DPP6: variants seen among roughly 807,000 people sequenced by gnomAD.
DPP6 encodes the protein dipeptidyl peptidase like 6.
In DPP6, 69 loss-of-function variants were observed where a neutral mutation model predicts 122.6. The ratio of observed to expected loss-of-function variants is 0.56; its 90% CI spans 0.46 to 0.69. The LOEUF (loss-of-function observed/expected upper bound fraction) is 0.69. Ranked by LOEUF, DPP6 falls within the 30% of genes least tolerant of loss-of-function variation. The pLI, the probability that DPP6 is intolerant of heterozygous loss-of-function variation, is 0.00. For synonymous variants in DPP6, 418 were observed against 433.1 expected (o/e 0.97, Z 0.43); for missense variants, 928 against 1,116.9 (o/e 0.83, Z 2.41).
At chr7:154,816,727 C>T (rs893514245) in intron 16 of DPP6, among the ~76,000 whole-genome samples, 6 of 152,214 alleles carry the variant, frequency 3.9e-5, no homozygotes, top group South Asian at 2.1e-4. Context: ...GGGTGGCTGA[C>T]GTGCATGAAG....
chr7:154,891,661 C>T (rs756081152), intron 25 of DPP6, among the ~76,000 whole-genome samples: 4 of 152,136 alleles, frequency 2.6e-5, no homozygotes, highest in Non-Finnish European at 4.4e-5. Context: ...TCTCGGCTCA[C>T]AGCAACCTCC....
intron 1 of DPP6, chr7:154,305,262 A>T (rs1254710297): frequency 7.7e-7 from 1 of 1,296,352 alleles, no homozygotes; most frequent in Non-Finnish European, 9.8e-7. Context: ...GAGAAGCCCC[A>T]CTAAGCAGCG....
the DPP6 span, among the ~76,000 whole-genome samples, chr7:153,766,152 G>A: frequency 2.6e-5 from 4 of 152,272 alleles, no homozygotes; most frequent in Non-Finnish European, 5.9e-5. Flanking sequence ...TCGTGAAAAC[G>A]GTCTTAGTGG....
chr7:154,589,818 C>T (rs1013630842), intron 5 of DPP6, among the ~76,000 whole-genome samples: 1 of 152,192 alleles, frequency 6.6e-6, no homozygotes, highest in South Asian at 2.1e-4. Context: ...CAGATCATGC[C>T]TCTGGACTCC....
intron 1 of DPP6, among the ~76,000 whole-genome samples, chr7:154,291,350 TTGTGA>T (rs1805199425): frequency 6.6e-6 from 1 of 152,176 alleles, no homozygotes; most frequent in African/African-American, 2.4e-5. Context: ...TGAATAAAAC[TTGTGA>T]TGGTAAGGAC....
intron 2 of DPP6, among the ~76,000 whole-genome samples, chr7:154,466,967 A>G (rs991001598): frequency 7.2e-5 from 11 of 152,208 alleles, no homozygotes; most frequent in African/African-American, 4.8e-5. Context: ...GGCATACTCC[A>G]CCCAAAGCAC....
chr7:154,182,558 C>T (rs1317241437), intron 1 of DPP6, among the ~76,000 whole-genome samples: 1 of 152,096 alleles, frequency 6.6e-6, no homozygotes, highest in Non-Finnish European at 1.5e-5. Context: ...AACATGTGCC[C>T]GGGGGAGGTG....
chr7:154,050,837 G>A (rs922588044), upstream of DPP6, among the ~76,000 whole-genome samples: 2 of 142,294 alleles, frequency 1.4e-5, no homozygotes, highest in African/African-American at 5.3e-5. Context: ...ATAGTAAAGG[G>A]TAACTACTGT....
chr7:153,876,597 G>A, the DPP6 span, among the ~76,000 whole-genome samples: 7 of 152,110 alleles, frequency 4.6e-5, no homozygotes, highest in South Asian at 8.3e-4. Context: ...AATTAAAAGT[G>A]CCAATTTTAT....
In DPP6 at chr7:154,623,583, ACACG is replaced by A. The variant is rs1394068112; in HGVS notation, c.628-14236_628-14233del. ...GCAACACGCACACACACACGCACGC[ACACG>A]CGCACACACACGCTGACACACACGC... On this transcript the variant is annotated intron_variant, in intron 5 of 25. Transcript: ENST00000377770. Among the ~76,000 whole-genome samples the A allele has an allele frequency of 2.4e-3, 353 of 148,344 alleles. 2 individuals are homozygous for A. Among genetic ancestry groups the A allele is most frequent in the African/African-American group, 8.3e-3 (331 of 40,066 alleles).
intron 3 of DPP6, among the ~76,000 whole-genome samples, chr7:154,500,729 A>G (rs918749839): frequency 1.3e-5 from 2 of 152,190 alleles, no homozygotes; most frequent in Non-Finnish European, 2.9e-5. Context: ...AGTCTTGGGT[A>G]TGTCTTTATC....
intron 1 of DPP6, among the ~76,000 whole-genome samples, chr7:154,013,195 C>T (rs1798228711): frequency 6.6e-6 from 1 of 152,188 alleles, no homozygotes; most frequent in Non-Finnish European, 1.5e-5. Flanking sequence ...CGTATGTAAT[C>T]CCCTTCCTAA....
At chr7:154,728,739 G>A (rs895908149) in intron 8 of DPP6, among the ~76,000 whole-genome samples, 2 of 152,222 alleles carry the variant, frequency 1.3e-5, no homozygotes, top group African/African-American at 4.8e-5. Flanking sequence ...CAGACCCACT[G>A]TCTGGTGAGG....
chr7:154,288,732 C>A (rs758113072), intron 1 of DPP6, among the ~76,000 whole-genome samples: 2 of 152,056 alleles, frequency 1.3e-5, no homozygotes, highest in Non-Finnish European at 2.9e-5. Context: ...TATTGAGCAC[C>A]TACTATAAAT....
At chr7:154,128,457 A>G (rs1197905542) in intron 1 of DPP6, among the ~76,000 whole-genome samples, 2 of 152,166 alleles carry the variant, frequency 1.3e-5, no homozygotes. Flanking sequence ...GCTGGAGTGC[A>G]GTGGTACGAT....
At chr7:154,637,800 T>C (rs1304220479) in intron 5 of DPP6, 21 bp from the exon 6 acceptor site, 1 of 1,560,720 alleles carries the variant, frequency 6.4e-7, no homozygotes, top group Non-Finnish European at 8.7e-7. Flanking sequence ...GCCTACCTTT[T>C]TTCCTTTTTG....
intron 1 of DPP6, among the ~76,000 whole-genome samples, chr7:153,940,927 G>A (rs1801668680): frequency 6.6e-6 from 1 of 152,112 alleles, no homozygotes; most frequent in South Asian, 2.1e-4. Context: ...AGCGAAACCT[G>A]GAACTTCCAT....
chr7:154,825,530 A>C (rs568239091), intron 16 of DPP6, among the ~76,000 whole-genome samples: 32 of 152,264 alleles, frequency 2.1e-4, no homozygotes, highest in African/African-American at 7.5e-4. Flanking sequence ...TGCCTTCGTC[A>C]CCGACGTGAG....
At chr7:153,991,620 C>G (rs1797181801) in intron 1 of DPP6, among the ~76,000 whole-genome samples, 1 of 152,204 alleles carries the variant, frequency 6.6e-6, no homozygotes, top group South Asian at 2.1e-4. Flanking sequence ...GCCTTTGCAT[C>G]ATGACTTTGT....
Sources: allele counts gnomAD v4.1 joint callset (sites outside exome capture counted in the v4.1 genomes callset), GRCh38; gene constraint gnomAD v4.1.1; transcripts MANE v1.5; gene names NCBI Gene and HGNC (gene_info 2026-07-23, HGNC 2026-07-21).